SEC14L5: variants seen among roughly 807,000 people sequenced by gnomAD.
SEC14L5 encodes SEC14 like lipid binding 5, also known as SEC14-like protein 5.
A neutral mutation model predicts 84.6 loss-of-function variants in SEC14L5; 96 were observed. That is an observed-to-expected ratio of 1.13 (90% CI 0.96 to 1.34). SEC14L5 has a LOEUF of 1.34. Ranked by LOEUF, SEC14L5 falls within the 40% of genes most tolerant of loss-of-function variation. The pLI, the probability that SEC14L5 is intolerant of heterozygous loss-of-function variation, is 0.00. For missense variants in SEC14L5, 1,224 were observed against 942.5 expected, an observed-to-expected ratio of 1.30 and a Z score of -3.91; for synonymous variants, 546 against 383.4, an observed-to-expected ratio of 1.42 and a Z score of -4.95.
Position 4,998,165 on chromosome 16 carries a change from T to C in SEC14L5, c.970+1121T>C, listed in dbSNP as rs183570828. On this transcript the variant is annotated intron_variant, in intron 8 of 15. Coordinates refer to ENST00000251170, the MANE Select transcript of SEC14L5 (RefSeq NM_014692.2). ...GGACTACAGGCGTGCACCACCATGC[T>C]TGGCTAATTTTTGTACTTTTAGTAG... Among the ~76,000 whole-genome samples, 705 of 151,636 alleles carry C rather than the reference T, an allele frequency of 4.6e-3. 8 individuals carry two copies. Among genetic ancestry groups the C allele is most frequent in the African/African-American group, 0.016 (678 of 41,382 alleles).
intron 15 of SEC14L5, among the ~76,000 whole-genome samples, chr16:5,014,221 T>C (rs1007999949): frequency 6.6e-6 from 1 of 152,226 alleles, no homozygotes; most frequent in African/African-American, 2.4e-5. Flanking sequence ...GCTGGTGTGT[T>C]GGACTGTGCA....
chr16:4,981,387 C>T lies in SEC14L5; in HGVS notation c.64-6170C>T, dbSNP rs188421399. Among the ~76,000 whole-genome samples, 37 of 147,488 alleles carry T rather than the reference C, an allele frequency of 2.5e-4. No homozygotes were observed. In the East Asian group the frequency reaches 7.2e-3, roughly 29 times the overall value. The stretch of plus-strand genomic sequence containing the variant: ...TCGGCCTCCCAAAGTGCTGGGATTA[C>T]AGGTGTGAGCCACCGCGCCTGGTCT... On this transcript the variant is annotated intron_variant, in intron 2 of 15. Transcript: ENST00000251170.
chr16:4,971,333 C>G (rs1426480375), intron 2 of SEC14L5, among the ~76,000 whole-genome samples: 3 of 151,942 alleles, frequency 2.0e-5, no homozygotes, highest in Non-Finnish European at 4.4e-5. Context: ...GTGATGTGTG[C>G]CTGTAATTCC....
In SEC14L5 at chr16:4,996,848, C is replaced by T. The variant is rs202039413; in HGVS notation, c.781-7C>T. The T allele has an allele frequency of 6.9e-4, 1,102 of 1,604,244 alleles. 18 individuals carry two copies. The South Asian group carries it at 9.3e-3, about 13-fold the overall frequency. On this transcript the variant is annotated splice_region_variant and splice_polypyrimidine_tract_variant and intron_variant, in intron 7 of 15. Transcript: ENST00000251170. ...TTCTGTGGGCTTTTTACTTCTTTGT[C>T]TCTCAGATTCCCAAAGATGAGCACA...
intron 3 of SEC14L5, 139 bp from the exon 4 acceptor site, chr16:4,988,010 C>T (rs1231857042): frequency 4.5e-6 from 4 of 888,504 alleles, no homozygotes; most frequent in South Asian, 3.3e-5. Flanking sequence ...GTCCTGGGTC[C>T]GGGCTGGGTG....
At chr16:5,005,398 G>A (rs377069142) in intron 11 of SEC14L5, among the ~76,000 whole-genome samples, 3 of 117,158 alleles carry the variant, frequency 2.6e-5, no homozygotes, top group African/African-American at 9.7e-5. Context: ...TGGGTTGGGG[G>A]AGGGGAGATG....
In SEC14L5 at chr16:5,018,048, C is replaced by T. The variant is rs1955894609; in HGVS notation, c.*3078C>T. 1 of 152,358 alleles carries T rather than the reference C, an allele frequency of 6.6e-6. No individual in the cohort carries two copies. Among genetic ancestry groups the T allele is most frequent in the Non-Finnish European group, 1.5e-5 (1 of 68,148 alleles). 9.4% of individuals were successfully genotyped at this position (152,358 alleles called of 1,614,324 possible). A position where few individuals can be genotyped will look rare whatever the true frequency, so the allele number is the denominator to read the frequency against. On this transcript the variant is annotated 3_prime_UTR_variant, in exon 16 of 16. Coordinates refer to ENST00000251170, the MANE Select transcript of SEC14L5 (RefSeq NM_014692.2). ...GACTCAAACCCCAGCCTTCCTTTCACTAGCTGTGTAACCTTGACCAGGTGA... is the reference window on the plus strand; with the variant it reads ...GACTCAAACCCCAGCCTTCCTTTCATTAGCTGTGTAACCTTGACCAGGTGA...
At chr16:4,981,979 G>A (rs928904413) in intron 2 of SEC14L5, among the ~76,000 whole-genome samples, 4 of 152,152 alleles carry the variant, frequency 2.6e-5, no homozygotes, top group African/African-American at 9.7e-5. Flanking sequence ...GTTCTCAGGG[G>A]GTCTCCTTGC....
At chr16:4,974,845 T>C (rs1191075684) in intron 2 of SEC14L5, among the ~76,000 whole-genome samples, 1 of 151,828 alleles carries the variant, frequency 6.6e-6, no homozygotes, top group Non-Finnish European at 1.5e-5. Flanking sequence ...TGGTGTGATC[T>C]CGGCTCACTG....
chr16:4,982,093 A>G (rs1955431171), intron 2 of SEC14L5, among the ~76,000 whole-genome samples: 2 of 151,962 alleles, frequency 1.3e-5, no homozygotes, highest in Admixed American at 1.3e-4. Flanking sequence ...ACTGACATGG[A>G]GATATGGCAG....
chr16:5,007,333 C>T lies in SEC14L5; in HGVS notation c.1438-19C>T, dbSNP rs766100205. 3.1e-6 allele frequency: 5 copies of T among 1,612,344 alleles called. No homozygotes were observed. In the African/African-American group the frequency reaches 5.3e-5, roughly 17 times the overall value. ...CCTCAACTGGCCCTGACCTGCTGCCCTTTATCTCTGACCTGCAGTGTAATG... is the reference window on the plus strand; with the variant it reads ...CCTCAACTGGCCCTGACCTGCTGCCTTTTATCTCTGACCTGCAGTGTAATG... On this transcript the variant is annotated intron_variant, in intron 12 of 15. Coordinates refer to ENST00000251170, the MANE Select transcript of SEC14L5 (RefSeq NM_014692.2).
At chr16:4,998,008 T>A (rs1955630322) in intron 8 of SEC14L5, among the ~76,000 whole-genome samples, 1 of 150,436 alleles carries the variant, frequency 6.6e-6, no homozygotes, top group Non-Finnish European at 1.5e-5. Flanking sequence ...TAGTTCTTTT[T>A]TTTTTTTTTT....
intron 2 of SEC14L5, among the ~76,000 whole-genome samples, chr16:4,974,441 C>T (rs1272786803): frequency 6.6e-6 from 1 of 151,594 alleles, no homozygotes; most frequent in Non-Finnish European, 1.5e-5. Flanking sequence ...TGGGCTTAAG[C>T]GATTCTCCGA....
At chr16:5,014,587 C>A (rs1232632479) in intron 15 of SEC14L5, among the ~76,000 whole-genome samples, 1 of 152,184 alleles carries the variant, frequency 6.6e-6, no homozygotes, top group Non-Finnish European at 1.5e-5. Context: ...CCGGGGACTC[C>A]CTGGGCTGTG....
At chr16:4,983,593 G>A (rs1955451858) in intron 2 of SEC14L5, among the ~76,000 whole-genome samples, 1 of 150,804 alleles carries the variant, frequency 6.6e-6, no homozygotes, top group Non-Finnish European at 1.5e-5. Flanking sequence ...ATGTATACAT[G>A]TGGCCAGGCG....
At chr16:5,005,768 G>C in intron 11 of SEC14L5, 146 bp from the exon 12 acceptor site, 1 of 731,620 alleles carries the variant, frequency 1.4e-6, no homozygotes, top group Non-Finnish European at 2.1e-6. Flanking sequence ...GGAGGCTGAG[G>C]CAGGAGGATG....
At chr16:5,003,762 A>T (rs905312250) in intron 11 of SEC14L5, among the ~76,000 whole-genome samples, 189 bp downstream of exon 11, 1 of 152,206 alleles carries the variant, frequency 6.6e-6, no homozygotes, top group Non-Finnish European at 1.5e-5. Context: ...GTATTCACTG[A>T]GTTAAGCAAT....
Position 5,011,251 on chromosome 16 carries a change from GTGCTCGCCTCTGA to G in SEC14L5, c.1958_1970del (p.Val653GlyfsTer138). 1 of 1,613,830 alleles carries G rather than the reference GTGCTCGCCTCTGA, an allele frequency of 6.2e-7. No homozygotes were observed. The highest frequency in any genetic ancestry group is 8.5e-7 in the Non-Finnish European group (1 of 1,179,842). On this transcript the variant is annotated frameshift_variant, in exon 15 of 16. Transcript: ENST00000251170. LOFTEE classifies it high-confidence loss of function. Reference sequence around the variant, plus strand: ...GTGCAAACTTCTCTACTACTGTGAGGTGCTCGCCTCTGAGGACTTCAGGTAGGAGGGCTCCGGA... The same window carrying G: ...GTGCAAACTTCTCTACTACTGTGAGGGGACTTCAGGTAGGAGGGCTCCGGA...
chr16:5,001,615 G>C (rs1024358340), intron 10 of SEC14L5, among the ~76,000 whole-genome samples: 2 of 152,088 alleles, frequency 1.3e-5, no homozygotes, highest in Non-Finnish European at 2.9e-5. Flanking sequence ...GCTCTGTCAT[G>C]GCACATCCAG....
Sources: gnomAD v4.1 joint callset for allele counts (sites outside exome capture counted in the v4.1 genomes callset) on GRCh38, gnomAD v4.1.1 for gene constraint, MANE v1.5 for transcripts, NCBI Gene and HGNC (gene_info 2026-07-23, HGNC 2026-07-21) for gene names.